Variants in MLLT3 observed in about 807,000 individuals in gnomAD.
MLLT3 encodes the protein MLLT3 super elongation complex subunit, also known as protein AF-9.
In MLLT3, 4 loss-of-function variants were observed where a neutral mutation model predicts 53.2. That is an observed-to-expected ratio of 0.08 (90% CI 0.04 to 0.17). MLLT3 has a LOEUF of 0.17. MLLT3 is among the 10% of genes least tolerant of loss of function. The pLI is 1.00. For synonymous variants in MLLT3, 283 were observed against 230.6 expected, an observed-to-expected ratio of 1.23 and a Z score of -2.06; for missense variants, 569 against 684.0, an observed-to-expected ratio of 0.83 and a Z score of 1.87.
Position 20,413,865 on chromosome 9 carries a change from T to C in MLLT3, c.981A>G (p.Ile327Met), listed in dbSNP as rs777439723. The C allele has an allele frequency of 1.5e-5, 24 of 1,614,114 alleles. No homozygotes were observed. The Admixed American group carries it at 3.7e-4, about 25-fold the overall frequency. ...ILTCSADKKQIKDKSHVKMGK... is the reference protein window; with the variant it reads ...ILTCSADKKQMKDKSHVKMGK... The stretch of plus-strand genomic sequence containing the variant: ...CCATCTTGACATGAGATTTATCTTT[T>C]ATCTGTTTTTTGTCAGCAGAACAAG... Residue 327 changes from isoleucine (I) to methionine (M), a missense_variant, in exon 5 of 11, where the codon ATA becomes ATG. By Grantham distance (10) the Ile-to-Met change is conservative. This residue lies in a region of MLLT3 where 437 missense variants were observed against 376.5 expected (regional missense o/e 1.16). Coordinates refer to ENST00000380338, the MANE Select transcript of MLLT3 (RefSeq NM_004529.4).
intron 2 of MLLT3, among the ~76,000 whole-genome samples, chr9:20,600,208 T>C (rs776814796): frequency 6.6e-6 from 1 of 152,156 alleles, no homozygotes; most frequent in Non-Finnish European, 1.5e-5. Flanking sequence ...AGAACTCTGT[T>C]TCCACAGCTT....
chr9:20,378,372 A>G (rs1289203624), intron 5 of MLLT3, among the ~76,000 whole-genome samples: 1 of 152,068 alleles, frequency 6.6e-6, no homozygotes. Flanking sequence ...TAAACAGGAC[A>G]GTCTCATTAT....
chr9:20,622,413 C>G lies in MLLT3; in HGVS notation c.-157G>C. ...TTCTCTGCCTTTTTCCCCCCGCGCT[C>G]GCTTGCTCGCTCGCTCGCTTATTAA... On this transcript the variant is annotated 5_prime_UTR_variant, in exon 1 of 11. Transcript: ENST00000380338. The G allele has an allele frequency of 1.5e-6, 1 of 655,720 alleles. No homozygotes were observed. Among genetic ancestry groups the G allele is most frequent in the East Asian group, 3.2e-5 (1 of 31,586 alleles). The allele number at this position is 655,720 out of a possible 1,614,324, so 40.6% of individuals were successfully genotyped here. A position where few individuals can be genotyped will look rare whatever the true frequency, so the allele number is the denominator to read the frequency against.
At chr9:20,550,997 T>C (rs567409487) in intron 2 of MLLT3, among the ~76,000 whole-genome samples, 1 of 152,298 alleles carries the variant, frequency 6.6e-6, no homozygotes, top group South Asian at 2.1e-4. Flanking sequence ...ACTCCTGGCC[T>C]CAAGTAATCC....
intron 2 of MLLT3, among the ~76,000 whole-genome samples, chr9:20,498,987 A>G (rs1039938483): frequency 1.3e-5 from 2 of 152,208 alleles, no homozygotes; most frequent in African/African-American, 4.8e-5. Flanking sequence ...TCTGAAATCA[A>G]AGTGTCAGTA....
At chr9:20,350,594 C>CAAAA (rs774973521) in intron 10 of MLLT3, among the ~76,000 whole-genome samples, 7 of 124,024 alleles carry the variant, frequency 5.6e-5, no homozygotes, top group Non-Finnish European at 7.7e-5. Context: ...GACTCCGTCT[C>CAAAA]AAAAAAAGAA....
chr9:20,603,086 T>C (rs1313014170), intron 2 of MLLT3, among the ~76,000 whole-genome samples: 2 of 152,078 alleles, frequency 1.3e-5, no homozygotes. Flanking sequence ...CTCTAATTTC[T>C]CCTTCTCACT....
intron 2 of MLLT3, among the ~76,000 whole-genome samples, chr9:20,492,308 T>C (rs1389644168): frequency 6.6e-6 from 1 of 152,028 alleles, no homozygotes; most frequent in South Asian, 2.1e-4. Flanking sequence ...CTTTTTAACC[T>C]GTAAACTCTG....
intron 4 of MLLT3, among the ~76,000 whole-genome samples, chr9:20,431,752 G>A (rs1823276134): frequency 1.3e-5 from 2 of 151,942 alleles, no homozygotes; most frequent in South Asian, 4.1e-4. Context: ...TAGATAACAA[G>A]ACAATGAATA....
At chr9:20,622,180 C>A (rs1417135452) in intron 1 of MLLT3, 65 bp downstream of exon 1, 5 of 1,504,046 alleles carry the variant, frequency 3.3e-6, no homozygotes, top group Admixed American at 1.7e-5. Flanking sequence ...GTCTGGGCTG[C>A]GGCGGCGCAG....
intron 2 of MLLT3, among the ~76,000 whole-genome samples, chr9:20,575,488 T>C (rs1819630335): frequency 6.6e-6 from 1 of 152,186 alleles, no homozygotes; most frequent in African/African-American, 2.4e-5. Flanking sequence ...TTATAATGTA[T>C]ACATTCATAA....
chr9:20,578,345 A>G (rs1451649180), intron 2 of MLLT3, among the ~76,000 whole-genome samples: 2 of 152,194 alleles, frequency 1.3e-5, no homozygotes, highest in Non-Finnish European at 2.9e-5. Flanking sequence ...GCATAATGAA[A>G]AACAGGGATT....
chr9:20,452,642 T>C (rs1429098990), intron 3 of MLLT3, among the ~76,000 whole-genome samples: 1 of 152,130 alleles, frequency 6.6e-6, no homozygotes, highest in Non-Finnish European at 1.5e-5. Flanking sequence ...AAATGAACAC[T>C]CTGAAGCAAG....
At chr9:20,399,309 A>C (rs530025953) in intron 5 of MLLT3, among the ~76,000 whole-genome samples, 321 of 152,276 alleles carry the variant, frequency 2.1e-3, no homozygotes, top group African/African-American at 7.5e-3. Context: ...TCTTAACTAT[A>C]AATACATACG....
At position 20,391,134 on chromosome 9, in the gene MLLT3, TTGC is replaced by T. The variant is rs1473794826; in HGVS notation, c.1125+22584_1125+22586del. ...TTTGGACAACGGTTTGCTAGGTGAT[TTGC>T]TGGATTTCTTGCTTGGTCCTACCAA... is the stretch of plus-strand genomic sequence containing the variant. On this transcript the variant is annotated intron_variant, in intron 5 of 10. Transcript: ENST00000380338. 6.0e-4 allele frequency among the ~76,000 whole-genome samples: 91 copies of T among 152,294 alleles called. 1 individual carries two copies. The highest frequency in any genetic ancestry group is 1.8e-4 in the Non-Finnish European group (12 of 68,020).
intron 2 of MLLT3, among the ~76,000 whole-genome samples, chr9:20,519,939 A>C (rs955738949): frequency 6.6e-6 from 1 of 152,258 alleles, no homozygotes; most frequent in Non-Finnish European, 1.5e-5. Flanking sequence ...AACGACATGG[A>C]ATCAACCTAA....
intron 2 of MLLT3, among the ~76,000 whole-genome samples, chr9:20,563,306 A>T (rs75734650): frequency 7.2e-6 from 1 of 138,560 alleles, no homozygotes; most frequent in African/African-American, 2.5e-5. Flanking sequence ...TTTTTTTTTT[A>T]AAGATCACTT....
chr9:20,531,327 C>T (rs1239840066), intron 2 of MLLT3, among the ~76,000 whole-genome samples: 2 of 151,674 alleles, frequency 1.3e-5, no homozygotes, highest in East Asian at 3.9e-4. Flanking sequence ...GTAGAGACAG[C>T]GTTTCACCAT....
intron 4 of MLLT3, among the ~76,000 whole-genome samples, chr9:20,421,997 G>T (rs1487963965): frequency 2.0e-5 from 3 of 151,976 alleles, no homozygotes; most frequent in Non-Finnish European, 4.4e-5. Context: ...CTTAACAATT[G>T]GTAGGATTAA....
Sources: allele counts gnomAD v4.1 joint callset (sites outside exome capture counted in the v4.1 genomes callset), GRCh38; gene constraint gnomAD v4.1.1; regional missense constraint gnomAD v4.1.1; transcripts MANE v1.5; gene names NCBI Gene and HGNC (gene_info 2026-07-23, HGNC 2026-07-21).